The following ACOT7 variants were observed in gnomAD, a reference collection of about 807,000 sequenced individuals.
ACOT7 encodes the protein cytosolic acyl coenzyme A thioester hydrolase.
ACOT7 carries 12 observed loss-of-function variants against 40.2 expected under a neutral mutation model. That is an observed-to-expected ratio of 0.30 (90% CI 0.19 to 0.48). The LOEUF is 0.48. Ranked by LOEUF, ACOT7 falls within the 20% of genes least tolerant of loss-of-function variation. The probability of loss-of-function intolerance (pLI) is 0.99; values close to 1 mark genes in which losing one functional copy is unlikely to be tolerated. For synonymous variants in ACOT7, 228 were observed against 219.5 expected, an observed-to-expected ratio of 1.04 and a Z score of -0.34; for missense variants, 395 against 530.8, an observed-to-expected ratio of 0.74 and a Z score of 2.51.
At chr1:6,380,390 G>A (rs146744816) in intron 1 of ACOT7, among the ~76,000 whole-genome samples, 1,674 of 151,560 alleles carry the variant, frequency 0.011, 46 homozygotes, top group African/African-American at 0.039. Flanking sequence ...ACGAGGTCAG[G>A]AGTTCAAGAC....
intron 5 of ACOT7, 50 bp downstream of exon 5, chr1:6,327,249 T>C: frequency 1.3e-6 from 2 of 1,584,256 alleles, no homozygotes; most frequent in Non-Finnish European, 1.7e-6. Flanking sequence ...CTGCCTCCTA[T>C]GCGTCCCCGG....
Position 6,301,128 on chromosome 1 carries a change from G to A in ACOT7, c.713-6148C>T, listed in dbSNP as rs1374239861. Among the ~76,000 whole-genome samples, 1 of 152,216 alleles carries A rather than the reference G, an allele frequency of 6.6e-6. No homozygotes were observed. The highest frequency in any genetic ancestry group is 2.4e-5 in the African/African-American group (1 of 41,460). ...TGTCCAGTGCTGGCCACCAGCTGGT[G>A]TCATCAACTCAGGGTGGTTTAGCTG... On this transcript the variant is annotated intron_variant, in intron 6 of 8. Coordinates refer to ENST00000361521, the MANE Select transcript of ACOT7 (RefSeq NM_007274.4). The surrounding 1 kb of genome is among the most constrained non-coding windows in gnomAD (Gnocchi z 4.1).
chr1:6,277,409 A>G (rs1291108765), intron 8 of ACOT7, among the ~76,000 whole-genome samples: 1 of 152,134 alleles, frequency 6.6e-6, no homozygotes, highest in Admixed American at 6.5e-5. Context: ...CTATTGGGAG[A>G]TGCCCCAGGG....
chr1:6,347,261 C>T (rs1208902976), intron 2 of ACOT7, among the ~76,000 whole-genome samples: 2 of 152,200 alleles, frequency 1.3e-5, no homozygotes, highest in Non-Finnish European at 2.9e-5. Context: ...GGGGACCAGC[C>T]TCCCAGAGGC....
At chr1:6,363,618 CCT>C (rs925225745) in intron 1 of ACOT7, among the ~76,000 whole-genome samples, 3 of 151,872 alleles carry the variant, frequency 2.0e-5, no homozygotes, top group Non-Finnish European at 2.9e-5. Context: ...TCTCTCTCTC[CCT>C]CTCTCTCTGC....
intron 1 of ACOT7, among the ~76,000 whole-genome samples, chr1:6,360,098 G>A (rs921641131): frequency 1.3e-5 from 2 of 152,202 alleles, no homozygotes; most frequent in African/African-American, 4.8e-5. Context: ...AGTCCTAAAA[G>A]GACAAGTCCT....
intron 5 of ACOT7, among the ~76,000 whole-genome samples, chr1:6,323,737 A>AAAATATATATATAT (rs1553158667): frequency 5.2e-5 from 2 of 38,418 alleles, no homozygotes; most frequent in Non-Finnish European, 5.1e-5. Context: ...AAAAAAAAAA[A>AAAATATATATATAT]ATATATATAT....
chr1:6,277,434 G>C (rs1402934311), intron 8 of ACOT7, among the ~76,000 whole-genome samples: 1 of 152,238 alleles, frequency 6.6e-6, no homozygotes, highest in Non-Finnish European at 1.5e-5. Context: ...CCATCAACCT[G>C]CACTGAAGCC....
At chr1:6,335,426 G>A (rs1003384389) in intron 3 of ACOT7, among the ~76,000 whole-genome samples, 2 of 151,950 alleles carry the variant, frequency 1.3e-5, no homozygotes, top group Non-Finnish European at 2.9e-5. Flanking sequence ...CCGGAAGGCA[G>A]AGATTACAGT....
intron 6 of ACOT7, among the ~76,000 whole-genome samples, chr1:6,309,049 G>A (rs550066065): frequency 6.6e-6 from 1 of 152,224 alleles, no homozygotes; most frequent in African/African-American, 2.4e-5. Flanking sequence ...TCGCCCTGTC[G>A]GCTTTCATTT....
chr1:6,320,504 C>T (rs557946523), intron 5 of ACOT7, among the ~76,000 whole-genome samples: 1 of 152,352 alleles, frequency 6.6e-6, no homozygotes, highest in Non-Finnish European at 1.5e-5. Context: ...ATTCAGGCCC[C>T]TTTGGTCCCG....
intron 1 of ACOT7, among the ~76,000 whole-genome samples, chr1:6,363,791 G>A (rs1641942888): frequency 6.6e-6 from 1 of 152,080 alleles, no homozygotes; most frequent in Non-Finnish European, 1.5e-5. Context: ...ACCGGTCTCT[G>A]CATCTTGGTG....
chr1:6,352,590 A>G lies in ACOT7; in HGVS notation c.144-2724T>C, dbSNP rs116714246. ...GTCTCACTGGAGACTTCGTTTTCCC[A>G]TTTCTTTTTTTTTTTTTTTGAGACG... On this transcript the variant is annotated intron_variant, in intron 1 of 8. Coordinates refer to ENST00000361521, the MANE Select transcript of ACOT7 (RefSeq NM_007274.4). This position sits in a 1 kb window ranked among gnomAD's most constrained non-coding sequence, Gnocchi z 4.5. Among the ~76,000 whole-genome samples the G allele has an allele frequency of 0.057, 8,345 of 145,556 alleles. 328 individuals are homozygous for G. Among genetic ancestry groups the G allele is most frequent in the African/African-American group, 0.11 (4,382 of 39,142 alleles).
intron 8 of ACOT7, among the ~76,000 whole-genome samples, chr1:6,276,816 A>G (rs1482364248): frequency 2.0e-5 from 3 of 152,078 alleles, no homozygotes; most frequent in Non-Finnish European, 4.4e-5. Flanking sequence ...GCCCCAGGAC[A>G]CCTCAGTGAA....
intron 1 of ACOT7, among the ~76,000 whole-genome samples, chr1:6,371,504 A>T (rs958670881): frequency 6.6e-6 from 1 of 151,954 alleles, no homozygotes; most frequent in African/African-American, 2.4e-5. Context: ...CTGGGACTAC[A>T]GGCAAGTGCC....
At chr1:6,333,142 G>T (rs780961426) in intron 4 of ACOT7, among the ~76,000 whole-genome samples, 34 of 152,356 alleles carry the variant, frequency 2.2e-4, no homozygotes, top group Middle Eastern at 3.4e-3. Flanking sequence ...TGACAAAAAG[G>T]TCCCTAGGTT....
At chr1:6,327,479 A>G (rs1640836706) in intron 4 of ACOT7, 66 bp from the exon 5 acceptor site, 3 of 1,467,972 alleles carry the variant, frequency 2.0e-6, no homozygotes, top group African/African-American at 1.4e-5. Flanking sequence ...CTGGGCGGCC[A>G]TGATCCCAGG....
intron 1 of ACOT7, chr1:6,385,673 G>A: frequency 6.2e-7 from 1 of 1,610,782 alleles, no homozygotes; most frequent in Non-Finnish European, 8.5e-7. Context: ...TCATCCTGCG[G>A]TAAGTGGGCA....
intron 6 of ACOT7, among the ~76,000 whole-genome samples, chr1:6,309,491 A>AT (rs1462616053): frequency 1.3e-5 from 2 of 151,786 alleles, no homozygotes; most frequent in African/African-American, 4.8e-5. Flanking sequence ...ACACTTAGGT[A>AT]TTTTTTATTT....
Sources: gnomAD v4.1 joint callset for allele counts (sites outside exome capture counted in the v4.1 genomes callset) on GRCh38, gnomAD v4.1.1 for gene constraint, Gnocchi (gnomAD v3.1) non-coding constraint, MANE v1.5 for transcripts, NCBI Gene and HGNC (gene_info 2026-07-23, HGNC 2026-07-21) for gene names.